WDR49: variants seen among roughly 807,000 people sequenced by gnomAD.
WDR49 encodes the protein cilia- and flagella-associated protein 337.
A neutral mutation model predicts 119.5 loss-of-function variants in WDR49; 107 were observed. The ratio of observed to expected loss-of-function variants is 0.90; its 90% CI spans 0.77 to 1.05. The LOEUF (loss-of-function observed/expected upper bound fraction) is 1.05. Ranked by LOEUF, WDR49 falls within the 50% of genes least tolerant of loss-of-function variation. WDR49 has a pLI of 0.00. For missense variants in WDR49, 1,240 were observed against 1,220.5 expected, an observed-to-expected ratio of 1.02 and a Z score of -0.24; for synonymous variants, 425 against 418.8, an observed-to-expected ratio of 1.01 and a Z score of -0.18.
chr3:167,603,171 C>T (rs1352833822), intron 6 of WDR49, among the ~76,000 whole-genome samples: 3 of 152,220 alleles, frequency 2.0e-5, no homozygotes, highest in African/African-American at 4.8e-5. Flanking sequence ...TCTTCCAGAG[C>T]AGGAAATGTT....
intron 6 of WDR49, 31 bp from the exon 7 acceptor site, chr3:167,602,306 T>C (rs779461638): frequency 6.5e-7 from 1 of 1,539,628 alleles, no homozygotes; most frequent in South Asian, 1.2e-5. Context: ...AAAAAATGTT[T>C]TTAATAGCAT....
intron 18 of WDR49, among the ~76,000 whole-genome samples, chr3:167,498,992 C>CAA (rs1560251905): frequency 6.6e-6 from 1 of 152,088 alleles, no homozygotes; most frequent in African/African-American, 2.4e-5. Context: ...TCTGAGCCCC[C>CAA]AAAAGAGCCC....
chr3:167,514,025 C>T (rs916942127), intron 16 of WDR49, among the ~76,000 whole-genome samples: 2 of 152,278 alleles, frequency 1.3e-5, no homozygotes, highest in Admixed American at 1.3e-4. Flanking sequence ...AACTTTAACA[C>T]CCAACTGTCA....
chr3:167,489,211 G>A (rs747947360), intron 18 of WDR49, among the ~76,000 whole-genome samples: 3 of 151,988 alleles, frequency 2.0e-5, no homozygotes, highest in Non-Finnish European at 4.4e-5. Flanking sequence ...CATTGTATCT[G>A]GCTCATGGAA....
chr3:167,562,416 A>G (rs1713321263), intron 8 of WDR49, among the ~76,000 whole-genome samples: 2 of 152,202 alleles, frequency 1.3e-5, no homozygotes, highest in Admixed American at 1.3e-4. Context: ...ACTGATAATG[A>G]GCATGTGATC....
chr3:167,538,676 A>G (rs1252232034), intron 10 of WDR49, among the ~76,000 whole-genome samples: 44 of 152,144 alleles, frequency 2.9e-4, no homozygotes, highest in Admixed American at 2.9e-3. Context: ...CAGAGCCGTC[A>G]GCATAAAATG....
intron 18 of WDR49, among the ~76,000 whole-genome samples, chr3:167,482,543 G>GT (rs1393897069): frequency 6.6e-6 from 1 of 151,714 alleles, no homozygotes; most frequent in Non-Finnish European, 1.5e-5. Flanking sequence ...GTCGGGCCTG[G>GT]TGGTGGGCGC....
intron 5 of WDR49, among the ~76,000 whole-genome samples, chr3:167,611,353 A>G (rs1293221870): frequency 1.3e-5 from 2 of 152,174 alleles, no homozygotes; most frequent in East Asian, 3.9e-4. Flanking sequence ...AAAAAATAAA[A>G]AGCAAGAAAC....
intron 10 of WDR49, among the ~76,000 whole-genome samples, chr3:167,548,068 T>C (rs1712317149): frequency 6.6e-6 from 1 of 152,054 alleles, no homozygotes; most frequent in Non-Finnish European, 1.5e-5. Flanking sequence ...TACCATTCCA[T>C]CTGAATACTT....
intron 10 of WDR49, among the ~76,000 whole-genome samples, chr3:167,545,422 A>G (rs187913808): frequency 4.9e-4 from 74 of 150,158 alleles, no homozygotes; most frequent in Admixed American, 1.8e-3. Context: ...ACAATTCATA[A>G]CTGCAAAAAT....
At position 167,478,818 on chromosome 3, in the gene WDR49, A is replaced by T; in HGVS notation, c.*60T>A. Reference sequence around the variant, plus strand: ...AATAAAATAAAAGGCAGAATTCTTGATGCTTTTTCTGCATTTTATATCTGT... The same window carrying T: ...AATAAAATAAAAGGCAGAATTCTTGTTGCTTTTTCTGCATTTTATATCTGT... On this transcript the variant is annotated 3_prime_UTR_variant, in exon 19 of 19. Coordinates refer to ENST00000682715, the MANE Select transcript of WDR49 (RefSeq NM_001366157.1). The T allele has an allele frequency of 8.5e-7, 1 of 1,175,680 alleles. No individual in the cohort carries two copies. Among genetic ancestry groups the T allele is most frequent in the Non-Finnish European group, 1.2e-6 (1 of 832,940 alleles). The allele number at this position is 1,175,680 out of a possible 1,614,324, so 72.8% of individuals were successfully genotyped here. A position where few individuals can be genotyped will look rare whatever the true frequency, so the allele number is the denominator to read the frequency against.
chr3:167,510,004 G>A (rs1339843099), intron 16 of WDR49, among the ~76,000 whole-genome samples: 1 of 152,156 alleles, frequency 6.6e-6, no homozygotes, highest in Non-Finnish European at 1.5e-5. Flanking sequence ...GGTCTTAAAA[G>A]TGAAATGCCT....
chr3:167,598,167 T>C (rs567637573), intron 7 of WDR49, among the ~76,000 whole-genome samples: 61 of 151,998 alleles, frequency 4.0e-4, no homozygotes, highest in Admixed American at 1.6e-3. Flanking sequence ...TAGCTGGGCA[T>C]GGTGGCAGGT....
intron 18 of WDR49, among the ~76,000 whole-genome samples, chr3:167,495,883 G>GAAAAAAAAAAAAAAAAAAAAAAAAAAAAA: frequency 1.4e-4 from 10 of 71,222 alleles, no homozygotes; most frequent in Admixed American, 2.0e-4. Context: ...TTAAAAATTT[G>GAAAAAAAAAAAAAAAAAAAAAAAAAAAAA]AAAAAAAAAA....
intron 11 of WDR49, among the ~76,000 whole-genome samples, chr3:167,536,256 T>C (rs1753018244): frequency 6.6e-6 from 1 of 152,158 alleles, no homozygotes; most frequent in South Asian, 2.1e-4. Flanking sequence ...ATATGATATA[T>C]GTGTAAGGCT....
At chr3:167,596,975 A>G (rs1348763210) in intron 7 of WDR49, among the ~76,000 whole-genome samples, 2 of 151,360 alleles carry the variant, frequency 1.3e-5, no homozygotes, top group African/African-American at 4.8e-5. Flanking sequence ...GAAAAGAAAA[A>G]CCCATTTTTT....
chr3:167,546,880 G>C (rs962948231), intron 10 of WDR49, among the ~76,000 whole-genome samples: 6 of 151,702 alleles, frequency 4.0e-5, no homozygotes, highest in Non-Finnish European at 8.8e-5. Context: ...GTTAATGCCT[G>C]TTCTTCAATT....
intron 7 of WDR49, among the ~76,000 whole-genome samples, chr3:167,579,612 T>C (rs1714434791): frequency 6.6e-6 from 1 of 152,154 alleles, no homozygotes; most frequent in Non-Finnish European, 1.5e-5. Flanking sequence ...TGGGTTTTCT[T>C]GCCAAAGATT....
intron 10 of WDR49, among the ~76,000 whole-genome samples, chr3:167,545,933 T>C (rs1255599342): frequency 2.6e-5 from 4 of 151,624 alleles, no homozygotes; most frequent in Non-Finnish European, 5.9e-5. Flanking sequence ...TAAAAAGGCT[T>C]CACAAGATAA....
Sources: gnomAD v4.1 joint callset for allele counts (sites outside exome capture counted in the v4.1 genomes callset) on GRCh38, gnomAD v4.1.1 for gene constraint, MANE v1.5 for transcripts, NCBI Gene and HGNC (gene_info 2026-07-23, HGNC 2026-07-21) for gene names.